The following REDIC1 variants were observed in gnomAD, a reference collection of about 807,000 sequenced individuals.
The protein encoded by REDIC1 is regulator of DNA class I crossover intermediates 1.
chr12:39,716,304 A>T, the REDIC1 span, among the ~76,000 whole-genome samples: 42 of 152,166 alleles, frequency 2.8e-4, no homozygotes, highest in African/African-American at 9.9e-4. Flanking sequence ...AAAATGTATC[A>T]AACTGGATGC....
chr12:39,859,285 C>CA, the REDIC1 span, among the ~76,000 whole-genome samples: 78,903 of 117,022 alleles, frequency 0.67, 24,480 homozygotes, highest in East Asian at 0.78. Context: ...AAACAAAAAC[C>CA]AAAAAAAAAG....
chr12:39,647,768 A>G, the REDIC1 span: 1 of 1,414,814 alleles, frequency 7.1e-7, no homozygotes, highest in South Asian at 1.6e-5. Context: ...GGTAATGTAA[A>G]TGATTTTATC....
the REDIC1 span, among the ~76,000 whole-genome samples, chr12:39,747,503 C>T: frequency 6.6e-6 from 1 of 152,224 alleles, no homozygotes; most frequent in Non-Finnish European, 1.5e-5. Context: ...AAACACTCTG[C>T]AGGATATTAT....
the REDIC1 span, among the ~76,000 whole-genome samples, chr12:39,743,235 C>T: frequency 2.0e-5 from 3 of 152,154 alleles, no homozygotes; most frequent in African/African-American, 7.2e-5. Flanking sequence ...AGGGAATACC[C>T]AACGCCAGCC....
At chr12:39,712,260 A>C in the REDIC1 span, among the ~76,000 whole-genome samples, 15 of 137,310 alleles carry the variant, frequency 1.1e-4, no homozygotes, top group African/African-American at 3.4e-4. Flanking sequence ...ACATATATAC[A>C]TATGTATATA....
chr12:39,883,213 A>AT, the REDIC1 span, among the ~76,000 whole-genome samples: 16 of 152,078 alleles, frequency 1.1e-4, no homozygotes, highest in Non-Finnish European at 1.3e-4. Flanking sequence ...GATTAAAGAA[A>AT]TTTTTTTTAA....
At chr12:39,830,554 C>A in the REDIC1 span, 1 of 950,192 alleles carries the variant, frequency 1.1e-6, no homozygotes, top group Non-Finnish European at 1.3e-6. Context: ...GATTTGTTAC[C>A]AAACTGTAGA....
At chr12:39,878,517 G>T in the REDIC1 span, among the ~76,000 whole-genome samples, 1 of 152,198 alleles carries the variant, frequency 6.6e-6, no homozygotes, top group Non-Finnish European at 1.5e-5. Context: ...GTCTGTTCAT[G>T]TGTCAGGGGT....
chr12:39,845,263 C>G, the REDIC1 span, among the ~76,000 whole-genome samples: 1 of 151,930 alleles, frequency 6.6e-6, no homozygotes, highest in Non-Finnish European at 1.5e-5. Flanking sequence ...AATTGACTCT[C>G]TTTTTGGGAC....
chr12:39,653,714 G>A, the REDIC1 span, among the ~76,000 whole-genome samples: 1 of 151,732 alleles, frequency 6.6e-6, no homozygotes, highest in Non-Finnish European at 1.5e-5. Flanking sequence ...ATGCTGAATA[G>A]CAGTGGCAAG....
At chr12:39,749,401 C>T in the REDIC1 span, among the ~76,000 whole-genome samples, 1 of 152,196 alleles carries the variant, frequency 6.6e-6, no homozygotes, top group Non-Finnish European at 1.5e-5. Flanking sequence ...AGACCAGTAA[C>T]AGGCTCTGAA....
chr12:39,748,204 G>A, the REDIC1 span, among the ~76,000 whole-genome samples: 3 of 151,132 alleles, frequency 2.0e-5, no homozygotes, highest in Non-Finnish European at 2.9e-5. Context: ...ACACACATAG[G>A]CTCAAAATAA....
the REDIC1 span, among the ~76,000 whole-genome samples, chr12:39,896,482 G>GTA: frequency 6.9e-6 from 1 of 145,764 alleles, no homozygotes; most frequent in Admixed American, 7.0e-5. Flanking sequence ...ATGTATATGT[G>GTA]TATATATGTA....
chr12:39,867,130 C>A, the REDIC1 span, among the ~76,000 whole-genome samples: 1 of 152,104 alleles, frequency 6.6e-6, no homozygotes, highest in Non-Finnish European at 1.5e-5. Context: ...CAAAACGAAC[C>A]ATGAGATTTA....
the REDIC1 span, among the ~76,000 whole-genome samples, chr12:39,811,476 C>G: frequency 6.6e-6 from 1 of 152,062 alleles, no homozygotes; most frequent in South Asian, 2.1e-4. Context: ...ATTGCTTTAG[C>G]TGTCCCCTGA....
At chr12:39,803,854 G>A in the REDIC1 span, among the ~76,000 whole-genome samples, 1 of 152,120 alleles carries the variant, frequency 6.6e-6, no homozygotes, top group Admixed American at 6.5e-5. Context: ...CATAACTGAT[G>A]GAAAACAAGA....
the REDIC1 span, among the ~76,000 whole-genome samples, chr12:39,626,569 C>T: frequency 6.6e-6 from 1 of 152,228 alleles, no homozygotes; most frequent in Non-Finnish European, 1.5e-5. Context: ...ACTGCCTTTA[C>T]AAAGGCTTCA....
the REDIC1 span, among the ~76,000 whole-genome samples, chr12:39,664,473 C>G: frequency 6.6e-6 from 1 of 152,136 alleles, no homozygotes; most frequent in Non-Finnish European, 1.5e-5. Context: ...TCCAGTCTAT[C>G]ATTGTTGGAC....
chr12:39,890,911 T>C, the REDIC1 span, among the ~76,000 whole-genome samples: 1 of 152,134 alleles, frequency 6.6e-6, no homozygotes, highest in Non-Finnish European at 1.5e-5. Context: ...TGGTACATAT[T>C]ACATAATTTT....
Sources: gnomAD v4.1 joint callset for allele counts (sites outside exome capture counted in the v4.1 genomes callset) on GRCh38, gnomAD v4.1.1 for gene constraint, MANE v1.5 for transcripts, NCBI Gene and HGNC (gene_info 2026-07-23, HGNC 2026-07-21) for gene names.